ELAPOR2: variants seen among roughly 807,000 people sequenced by gnomAD.
The protein encoded by ELAPOR2 is endosome/lysosome-associated apoptosis and autophagy regulator family member 2.
Under a neutral mutation model 120.7 loss-of-function variants are expected in ELAPOR2, and 89 were observed. The observed-to-expected ratio is 0.74, with a 90% CI of 0.62 to 0.88. The LOEUF (loss-of-function observed/expected upper bound fraction) is 0.88, where lower values mean the gene tolerates loss of function less well. Ranked by LOEUF, ELAPOR2 falls within the 40% of genes least tolerant of loss-of-function variation. The pLI, the probability that ELAPOR2 is intolerant of heterozygous loss-of-function variation, is 0.00. For missense variants in ELAPOR2, 1,134 were observed against 1,251.6 expected, an observed-to-expected ratio of 0.91 and a Z score of 1.42; for synonymous variants, 444 against 444.9, an observed-to-expected ratio of 1.00 and a Z score of 0.03.
At chr7:87,055,101 A>T (rs1369348848) in intron 1 of ELAPOR2, among the ~76,000 whole-genome samples, 1 of 152,166 alleles carries the variant, frequency 6.6e-6, no homozygotes, top group Non-Finnish European at 1.5e-5. Flanking sequence ...CATTCAAGTT[A>T]TTCCCAGGTC....
chr7:87,001,238 A>C (rs1482796768), intron 1 of ELAPOR2, among the ~76,000 whole-genome samples: 1 of 152,132 alleles, frequency 6.6e-6, no homozygotes, highest in Non-Finnish European at 1.5e-5. Context: ...AGTAGAGGTG[A>C]TATTATAATG....
At chr7:86,919,480 T>A (rs546692038) in intron 10 of ELAPOR2, among the ~76,000 whole-genome samples, 170 bp from the exon 11 acceptor site, 13 of 152,224 alleles carry the variant, frequency 8.5e-5, no homozygotes, top group African/African-American at 2.6e-4. Flanking sequence ...CATCCCGAGG[T>A]AGATGTTCCA....
intron 17 of ELAPOR2, 35 bp downstream of exon 17, chr7:86,908,412 A>T: frequency 8.6e-7 from 1 of 1,161,368 alleles, no homozygotes; most frequent in East Asian, 2.4e-5. Flanking sequence ...TCTTTTGGTT[A>T]AAATATAGTC....
intron 1 of ELAPOR2, 89 bp downstream of exon 1, chr7:87,059,236 C>T (rs1795356309): frequency 8.1e-7 from 1 of 1,235,534 alleles, no homozygotes; most frequent in African/African-American, 1.6e-5. Flanking sequence ...AAGGGGATGG[C>T]AAACAGAAAT....
intron 18 of ELAPOR2, among the ~76,000 whole-genome samples, chr7:86,898,869 G>A (rs1788575517): frequency 1.3e-5 from 2 of 152,044 alleles, no homozygotes; most frequent in African/African-American, 4.8e-5. Flanking sequence ...GGTACTTTAG[G>A]GAATAGAATG....
rs564523414 is a variant in ELAPOR2, at chr7:86,989,544, G to A, written c.190-24520C>T. Among the ~76,000 whole-genome samples the A allele has an allele frequency of 3.3e-5, 5 of 152,316 alleles. 1 individual carries two copies. Among genetic ancestry groups the A allele is most frequent in the African/African-American group, 9.6e-5 (4 of 41,578 alleles). Reference sequence around the variant, plus strand: ...AGAAAACAGCCGTGCCACTGCCAATGTGACTTACTACCACTTATGCAGAGT... The same window carrying A: ...AGAAAACAGCCGTGCCACTGCCAATATGACTTACTACCACTTATGCAGAGT... On this transcript the variant is annotated intron_variant, in intron 1 of 21. Transcript: ENST00000450689.
At chr7:87,021,973 C>G (rs17161223) in intron 1 of ELAPOR2, among the ~76,000 whole-genome samples, 8,627 of 152,106 alleles carry the variant, frequency 0.057, 411 homozygotes, top group African/African-American at 0.12. Context: ...GAATAATTGT[C>G]TTATAAAACA....
intron 1 of ELAPOR2, among the ~76,000 whole-genome samples, chr7:86,982,647 A>G (rs565905901): frequency 6.6e-6 from 1 of 152,342 alleles, no homozygotes; most frequent in South Asian, 2.1e-4. Flanking sequence ...CAACATCAAC[A>G]AAAAGGACAT....
intron 1 of ELAPOR2, among the ~76,000 whole-genome samples, chr7:86,978,235 C>T (rs926964889): frequency 8.5e-5 from 13 of 152,216 alleles, no homozygotes; most frequent in Admixed American, 2.6e-4. Context: ...AGGTGCCTTC[C>T]GCCGTGACTG....
At chr7:86,941,324 A>G (rs769171448) in intron 5 of ELAPOR2, 2 of 532,132 alleles carry the variant, frequency 3.8e-6, no homozygotes, top group Admixed American at 3.9e-5. Context: ...TGGTGCCTCA[A>G]ATAATAACAG....
At chr7:86,953,071 G>T (rs907017909) in intron 2 of ELAPOR2, among the ~76,000 whole-genome samples, 6 of 150,046 alleles carry the variant, frequency 4.0e-5, no homozygotes, top group African/African-American at 1.5e-4. Context: ...ACCCCAGCCT[G>T]GGCAACAGAG....
intron 4 of ELAPOR2, among the ~76,000 whole-genome samples, chr7:86,944,268 A>G (rs1009987514): frequency 1.3e-5 from 2 of 152,108 alleles, no homozygotes; most frequent in Non-Finnish European, 2.9e-5. Context: ...TGGTTAAGTA[A>G]CTTTAGTGGT....
At chr7:86,969,817 C>A (rs970879113) in intron 1 of ELAPOR2, among the ~76,000 whole-genome samples, 1 of 152,008 alleles carries the variant, frequency 6.6e-6, no homozygotes, top group African/African-American at 2.4e-5. Context: ...ATACAAAATG[C>A]GACCCTATTT....
At chr7:86,981,566 A>G (rs564639415) in intron 1 of ELAPOR2, among the ~76,000 whole-genome samples, 16 of 152,254 alleles carry the variant, frequency 1.1e-4, no homozygotes, top group African/African-American at 3.6e-4. Context: ...AGGATCTTAC[A>G]TGGTTCCCTC....
At chr7:86,958,294 G>A (rs1182290660) in intron 2 of ELAPOR2, among the ~76,000 whole-genome samples, 1 of 152,090 alleles carries the variant, frequency 6.6e-6, no homozygotes, top group East Asian at 1.9e-4. Context: ...ACTTTACAAG[G>A]TTGTTGTAAT....
At chr7:86,920,623 G>C (rs554126605) in intron 10 of ELAPOR2, 3 of 152,206 alleles carry the variant, frequency 2.0e-5, no homozygotes, top group African/African-American at 4.8e-5. Flanking sequence ...TAATACCCTC[G>C]CAGGAGGAAA....
chr7:86,951,452 T>C (rs559438663), intron 2 of ELAPOR2, among the ~76,000 whole-genome samples: 1 of 152,368 alleles, frequency 6.6e-6, no homozygotes, highest in South Asian at 2.1e-4. Context: ...TGATGCCATT[T>C]TGGAATGTTC....
intron 2 of ELAPOR2, among the ~76,000 whole-genome samples, chr7:86,956,158 G>A (rs1349507183): frequency 6.6e-6 from 1 of 152,078 alleles, no homozygotes; most frequent in African/African-American, 2.4e-5. Flanking sequence ...AAATCTTGAA[G>A]CCCAATCCCA....
At chr7:86,937,910 A>T (rs530326483) in intron 8 of ELAPOR2, among the ~76,000 whole-genome samples, 5 of 152,238 alleles carry the variant, frequency 3.3e-5, no homozygotes, top group Admixed American at 3.3e-4. Flanking sequence ...AAAAAAATTG[A>T]GGCCTAGAGA....
Sources: allele counts gnomAD v4.1 joint callset (sites outside exome capture counted in the v4.1 genomes callset), GRCh38; gene constraint gnomAD v4.1.1; transcripts MANE v1.5; gene names NCBI Gene and HGNC (gene_info 2026-07-23, HGNC 2026-07-21).